Variants in NOD1 observed in about 807,000 individuals in gnomAD.
The protein encoded by NOD1 is nucleotide-binding oligomerization domain-containing protein 1.
Under a neutral mutation model 81.2 loss-of-function variants are expected in NOD1, and 70 were observed. The ratio of observed to expected loss-of-function variants is 0.86; its 90% confidence interval spans 0.71 to 1.05. The LOEUF (loss-of-function observed/expected upper bound fraction) is 1.05, where lower values mean the gene tolerates loss of function less well. Among genes scored for constraint, NOD1 ranks in the 50% least tolerant of loss-of-function variants. NOD1 has a pLI of 0.00. For missense variants in NOD1, 1,233 were observed against 1,228.0 expected (o/e 1.00, Z -0.06); for synonymous variants, 508 against 526.9 (o/e 0.96, Z 0.49).
chr7:30,462,550 T>C (rs1787215458), intron 1 of NOD1, among the ~76,000 whole-genome samples: 1 of 151,946 alleles, frequency 6.6e-6, no homozygotes, highest in African/African-American at 2.4e-5. Flanking sequence ...AAGTATAGCA[T>C]ATTCATACAG....
intron 12 of NOD1, among the ~76,000 whole-genome samples, chr7:30,431,188 G>A (rs911811236): frequency 6.6e-6 from 1 of 152,170 alleles, no homozygotes; most frequent in African/African-American, 2.4e-5. Context: ...TCCTAGCTCT[G>A]CTCTCCCTGG....
Position 30,451,916 on chromosome 7 carries a change from A to G in NOD1, c.1501T>C (p.Leu501=), listed in dbSNP as rs750575564. 2.2e-5 allele frequency: 36 copies of G among 1,613,334 alleles called. No individual in the cohort carries two copies. In the Admixed American group the frequency reaches 6.0e-4, roughly 27 times the overall value. Residue 501 remains leucine, a synonymous_variant, in exon 6 of 14, where the codon TTG becomes CTG. Coordinates refer to ENST00000222823, the MANE Select transcript of NOD1 (RefSeq NM_006092.4). The surrounding 1 kb of genome is among the most constrained non-coding windows in gnomAD (Gnocchi z 4.2). ...TCACCCCCGGGGCCCAGCTCCGGCA[A>G]AGCCCGCAGGAAGCCCAGCTGCATG... The part of the protein sequence containing the change: ...RDMQLGFLRA[L]PELGPGGDQQ...
At chr7:30,427,295 A>AACTC (rs1221741939) in intron 13 of NOD1, among the ~76,000 whole-genome samples, 1 of 152,214 alleles carries the variant, frequency 6.6e-6, no homozygotes, top group African/African-American at 2.4e-5. Flanking sequence ...TTAAAGACAG[A>AACTC]ACTCATCAAG....
chr7:30,429,281 A>G, intron 13 of NOD1, 93 bp downstream of exon 13: 1 of 1,109,760 alleles, frequency 9.0e-7, no homozygotes, highest in East Asian at 2.3e-5. Context: ...TGGAGGAATA[A>G]ACAGAAACCA....
chr7:30,426,999 G>T (rs77963521), intron 13 of NOD1, among the ~76,000 whole-genome samples: 4 of 152,086 alleles, frequency 2.6e-5, no homozygotes, highest in South Asian at 4.1e-4. Flanking sequence ...AAATAATTAC[G>T]CAAATGATTT....
At position 30,446,221 on chromosome 7, in the gene NOD1, C is replaced by T. The variant is rs778435732; in HGVS notation, c.2373G>A (p.Leu791=). ...DECKGLTHLK[L]GKNKITSEGG... is the part of the protein sequence containing the mutation. ...CTTCACTTGTTATTTTGTTTTTTCC[C>T]AGTCTGCAGAGAGAGTCACACACAG... The change falls in exon 9 of 14, where the codon CTG becomes CTA. Residue 791 remains leucine (L), a synonymous_variant. Coordinates refer to ENST00000222823, the MANE Select transcript of NOD1 (RefSeq NM_006092.4). 1 of 1,613,644 alleles carries T rather than the reference C, an allele frequency of 6.2e-7. No individual in the cohort carries two copies. Among genetic ancestry groups the T allele is most frequent in the South Asian group, 1.1e-5 (1 of 91,078 alleles).
At chr7:30,446,382 G>A in intron 8 of NOD1, 158 bp from the exon 9 acceptor site, 1 of 648,962 alleles carries the variant, frequency 1.5e-6, no homozygotes, top group South Asian at 1.7e-5. Context: ...TCCTGTCAGG[G>A]AGGGAACTGA....
intron 9 of NOD1, among the ~76,000 whole-genome samples, chr7:30,439,306 G>A (rs1048251879): frequency 1.1e-4 from 15 of 140,962 alleles, no homozygotes; most frequent in East Asian, 3.9e-4. Context: ...CGTGAGCGAC[G>A]CAGAAGACGG....
chr7:30,425,396 A>G lies in NOD1; in HGVS notation c.*242T>C. ...AGGCAATAAAGTCTCTTCACAGTGTATTTACTGTAACTACAACAGCTCGCA... is the reference window on the plus strand; with the variant it reads ...AGGCAATAAAGTCTCTTCACAGTGTGTTTACTGTAACTACAACAGCTCGCA... On this transcript the variant is annotated 3_prime_UTR_variant, in exon 14 of 14. Transcript: ENST00000222823. 1 of 556,886 alleles carries G rather than the reference A, an allele frequency of 1.8e-6. No homozygotes were observed. The highest frequency in any genetic ancestry group is 3.0e-5 in the East Asian group (1 of 33,114). The allele number at this position is 556,886 out of a possible 1,614,324, so 34.5% of individuals were successfully genotyped here. A position where few individuals can be genotyped will look rare whatever the true frequency, so the allele number is the denominator to read the frequency against.
Position 30,452,149 on chromosome 7 carries a change from T to C in NOD1, c.1268A>G (p.Asp423Gly), listed in dbSNP as rs1195786256. 6.2e-7 allele frequency: 1 copy of C among 1,613,944 alleles called. No homozygotes were observed. Among genetic ancestry groups the C allele is most frequent in the South Asian group, 1.1e-5 (1 of 91,078 alleles). Residue 423 changes from aspartate to glycine, a missense_variant, in exon 6 of 14, where the codon GAT becomes GGT. Asp to Gly is a moderately conservative substitution (Grantham distance 94). Transcript: ENST00000222823. The part of the protein sequence containing the change: ...QLPDCTMTLT[D>G]VFLLVTEVHL... The stretch of plus-strand genomic sequence containing the variant: ...GACCTCAGTGACCAGGAGGAAGACA[T>C]CTGTCAGGGTCATCGTGCAGTCGGG...
At chr7:30,464,523 C>T (rs1787489271) in intron 1 of NOD1, among the ~76,000 whole-genome samples, 1 of 152,212 alleles carries the variant, frequency 6.6e-6, no homozygotes, top group Non-Finnish European at 1.5e-5. Flanking sequence ...GATGTTAAGG[C>T]TTTATACACA....
chr7:30,429,500 T>C (rs1783760631), intron 12 of NOD1, 43 bp from the exon 13 acceptor site: 1 of 1,572,802 alleles, frequency 6.4e-7, no homozygotes, highest in Non-Finnish European at 8.8e-7. Context: ...TAATACTGGA[T>C]CAAATTTGAC....
chr7:30,451,731 G>C lies in NOD1; in HGVS notation c.1686C>G (p.Phe562Leu). The C allele has an allele frequency of 6.2e-7, 1 of 1,613,842 alleles. No individual in the cohort carries two copies. The highest frequency in any genetic ancestry group is 8.5e-7 in the Non-Finnish European group (1 of 1,180,016). ...GAATTSCYPP[F>L]LPFQCLQGSG... ...TGCCCTGCAGGCACTGGAACGGGAG[G>C]AAGGGAGGATAGCAGGACGTGGTCG... The change falls in exon 6 of 14, where the codon TTC becomes TTG. Residue 562 changes from phenylalanine (F) to leucine (L), a missense_variant. Phe to Leu is a conservative substitution (Grantham distance 22, BLOSUM62 0). Coordinates refer to ENST00000222823, the MANE Select transcript of NOD1 (RefSeq NM_006092.4). The surrounding 1 kb of genome is among the most constrained non-coding windows in gnomAD (Gnocchi z 4.2).
chr7:30,436,061 G>C lies in NOD1; in HGVS notation c.2558C>G (p.Ser853Cys). 1 of 1,614,080 alleles carries C rather than the reference G, an allele frequency of 6.2e-7. No homozygotes were observed. The highest frequency in any genetic ancestry group is 8.5e-7 in the Non-Finnish European group (1 of 1,179,922). Residue 853 changes from serine (S) to cysteine (C), a missense_variant, in exon 11 of 14, where the codon TCC (serine) becomes TGC (cysteine). Transcript: ENST00000222823. ...TTLSLASNGISTEGGKSLARA... is the reference protein window; with the variant it reads ...TTLSLASNGICTEGGKSLARA... The stretch of plus-strand genomic sequence containing the variant: ...CGCAAGGCTCTTTCCTCCTTCTGTG[G>C]AGATGCCGTTGGACGCAAGACTAGG...
rs761676978 is a variant in NOD1 at position 30,453,423 on chromosome 7, C to A, written c.377-383G>T. Among the ~76,000 whole-genome samples the A allele has an allele frequency of 7.9e-5, 12 of 152,160 alleles. No individual in the cohort carries two copies. In the South Asian group the frequency reaches 8.3e-4, roughly 11 times the overall value. The stretch of plus-strand genomic sequence containing the variant: ...AGATGGCCACGCTGGCCCTCCTCCA[C>A]CAACACTGCTTTTTTGTTGTTAGAG... On this transcript the variant is annotated intron_variant, in intron 5 of 13. Transcript: ENST00000222823.
At chr7:30,435,951 C>T (rs1371760639) in intron 11 of NOD1, 47 bp downstream of exon 11, 1 of 1,488,444 alleles carries the variant, frequency 6.7e-7, no homozygotes, top group East Asian at 2.3e-5. Context: ...AAGCAAGACC[C>T]TATCACAGAA....
intron 9 of NOD1, among the ~76,000 whole-genome samples, chr7:30,445,806 A>G (rs1018173221): frequency 2.0e-5 from 3 of 149,944 alleles, no homozygotes; most frequent in African/African-American, 4.9e-5. Context: ...CCATGCTTCC[A>G]TGTGGACGAA....
chr7:30,433,216 C>G, intron 11 of NOD1, 37 bp from the exon 12 acceptor site: 1 of 1,513,748 alleles, frequency 6.6e-7, no homozygotes, highest in Non-Finnish European at 9.2e-7. Flanking sequence ...TCAAGAGAGC[C>G]TACTTGGCAG....
chr7:30,455,348 T>A (rs376399290), intron 4 of NOD1, 37 bp from the exon 5 acceptor site: 1 of 1,579,808 alleles, frequency 6.3e-7, no homozygotes, highest in African/African-American at 1.3e-5. Context: ...CGGGCTGGCA[T>A]GAGGGGCATC....
Sources: gnomAD v4.1 joint callset for allele counts (sites outside exome capture counted in the v4.1 genomes callset) on GRCh38, gnomAD v4.1.1 for gene constraint, Gnocchi (gnomAD v3.1) non-coding constraint, MANE v1.5 for transcripts, NCBI Gene and HGNC (gene_info 2026-07-23, HGNC 2026-07-21) for gene names.